The following STYX variants were observed in gnomAD, a reference collection of about 807,000 sequenced individuals.
STYX encodes serine/threonine/tyrosine-interacting protein.
In STYX, 20 loss-of-function variants were observed where a neutral mutation model predicts 42.7. That is an observed-to-expected ratio of 0.47 (90% CI 0.33 to 0.68). STYX has a LOEUF of 0.68. Ranked by LOEUF, STYX falls within the 30% of genes least tolerant of loss-of-function variation. STYX has a pLI of 0.02. For missense variants in STYX, 226 were observed against 268.5 expected (o/e 0.84, Z 1.11); for synonymous variants, 78 against 81.9 (o/e 0.95, Z 0.26).
chr14:52,740,332 CTTAGAAATTACATGCT>C (rs1297136861), intron 1 of STYX, among the ~76,000 whole-genome samples: 1 of 152,164 alleles, frequency 6.6e-6, no homozygotes. Flanking sequence ...TCATTGCTGG[CTTAGAAATTACATGCT>C]TTATTTCTAT....
At chr14:52,749,394 T>G (rs1217564633) in intron 3 of STYX, among the ~76,000 whole-genome samples, 2 of 152,204 alleles carry the variant, frequency 1.3e-5, no homozygotes, top group Non-Finnish European at 2.9e-5. Context: ...GAATTATTAG[T>G]GCTACTGTTT....
At chr14:52,746,222 A>G (rs1881390980) in intron 2 of STYX, among the ~76,000 whole-genome samples, 1 of 152,118 alleles carries the variant, frequency 6.6e-6, no homozygotes, top group Admixed American at 6.6e-5. Flanking sequence ...AGAGCCCAGG[A>G]GTTCCTTATC....
rs533535477 is a variant in STYX, at chr14:52,762,170, A to G, written c.504+2416A>G. Among the ~76,000 whole-genome samples the G allele has an allele frequency of 3.0e-3, 458 of 151,690 alleles. 4 individuals are homozygous for G. The highest frequency in any genetic ancestry group is 0.01 in the African/African-American group (425 of 41,370). On this transcript the variant is annotated intron_variant, in intron 9 of 10. Transcript: ENST00000354586. ...GCTGGAATTACAGGCGTGAGCCACCACTCCTGGCCCAAAAATGTTTTATCA... is the reference window on the plus strand; with the variant it reads ...GCTGGAATTACAGGCGTGAGCCACCGCTCCTGGCCCAAAAATGTTTTATCA...
intron 9 of STYX, among the ~76,000 whole-genome samples, chr14:52,768,062 G>A (rs927092809): frequency 6.6e-6 from 1 of 152,094 alleles, no homozygotes; most frequent in Non-Finnish European, 1.5e-5. Flanking sequence ...TCCTGACTTT[G>A]TCATACCATG....
At chr14:52,761,205 G>A (rs1474696572) in intron 9 of STYX, among the ~76,000 whole-genome samples, 5 of 151,808 alleles carry the variant, frequency 3.3e-5, no homozygotes, top group African/African-American at 1.2e-4. Context: ...ATGCATGCCT[G>A]TAATCCCAGC....
At chr14:52,740,007 G>A (rs1043390464) in intron 1 of STYX, among the ~76,000 whole-genome samples, 3 of 152,198 alleles carry the variant, frequency 2.0e-5, no homozygotes, top group African/African-American at 7.2e-5. Context: ...GGCTGGGCGC[G>A]GTGGCTCATG....
chr14:52,738,725 C>G (rs951888363), intron 1 of STYX, among the ~76,000 whole-genome samples: 8 of 152,152 alleles, frequency 5.3e-5, no homozygotes, highest in African/African-American at 1.7e-4. Flanking sequence ...CTCCTGTTAC[C>G]TACCTAAGGA....
chr14:52,732,101 T>TG (rs1566666231), intron 1 of STYX, among the ~76,000 whole-genome samples: 8 of 149,444 alleles, frequency 5.4e-5, no homozygotes, highest in Admixed American at 4.7e-4. Flanking sequence ...GTTTTTTTTT[T>TG]TTTTTTTTTT....
At chr14:52,733,226 T>G (rs1377357663) in intron 1 of STYX, among the ~76,000 whole-genome samples, 2 of 152,358 alleles carry the variant, frequency 1.3e-5, no homozygotes, top group Non-Finnish European at 2.9e-5. Flanking sequence ...TCCCGGACTT[T>G]GCATTTAATC....
intron 9 of STYX, among the ~76,000 whole-genome samples, chr14:52,764,945 G>A (rs547609954): frequency 2.6e-5 from 4 of 152,054 alleles, no homozygotes; most frequent in Non-Finnish European, 4.4e-5. Context: ...CTGGGATTAC[G>A]GGCGTGAGCC....
At chr14:52,767,630 G>T (rs1339824466) in intron 9 of STYX, among the ~76,000 whole-genome samples, 6 of 152,166 alleles carry the variant, frequency 3.9e-5, no homozygotes, top group Non-Finnish European at 8.8e-5. Flanking sequence ...GGCCAGAGGA[G>T]TGGTTGGGGA....
intron 4 of STYX, among the ~76,000 whole-genome samples, chr14:52,755,124 T>TG (rs918091785): frequency 9.3e-5 from 14 of 150,646 alleles, no homozygotes; most frequent in Admixed American, 7.3e-4. Flanking sequence ...TTTTTTTGTT[T>TG]TTTTTTTTTT....
Position 52,759,667 on chromosome 14 carries a change from T to G in STYX, c.432-15T>G. On this transcript the variant is annotated splice_polypyrimidine_tract_variant and intron_variant, in intron 8 of 10. Transcript: ENST00000354586. ...AAATAATGCTATCACATTAACACTC[T>G]TTTTCTGTTTTCAGAGATGCTTTTG... The G allele has an allele frequency of 6.4e-7, 1 of 1,557,164 alleles. No individual in the cohort carries two copies. The highest frequency in any genetic ancestry group is 8.8e-7 in the Non-Finnish European group (1 of 1,131,136).
In STYX at chr14:52,743,964, G is replaced by T. The variant is rs533186103; in HGVS notation, c.58-888G>T. 1.3e-4 allele frequency among the ~76,000 whole-genome samples: 20 copies of T among 151,944 alleles called. 1 individual carries two copies. The South Asian group carries it at 4.2e-3, about 32-fold the overall frequency. On this transcript the variant is annotated intron_variant, in intron 1 of 10. Coordinates refer to ENST00000354586, the MANE Select transcript of STYX (RefSeq NM_145251.4). ...AGCCTCCTGTGTAGATGGGATTACAGGCAGGCTCCACCATGCCCAACGAAT... is the reference window on the plus strand; with the variant it reads ...AGCCTCCTGTGTAGATGGGATTACATGCAGGCTCCACCATGCCCAACGAAT...
At chr14:52,756,675 CTTTTTTTTTTTT>C (rs748826005) in intron 5 of STYX, 64 bp downstream of exon 5, 7 of 71,904 alleles carry the variant, frequency 9.7e-5, no homozygotes, top group Non-Finnish European at 1.3e-4. Context: ...CTTAGTTGTG[CTTTTTTTTTTTT>C]TTTTTTTTTT....
intron 2 of STYX, among the ~76,000 whole-genome samples, 181 bp from the exon 3 acceptor site, chr14:52,746,245 A>C (rs1346820394): frequency 6.6e-6 from 1 of 152,094 alleles, no homozygotes; most frequent in Non-Finnish European, 1.5e-5. Context: ...CCTGGGCAAC[A>C]TAGTGAGACT....
At chr14:52,764,298 G>A (rs1882214269) in intron 9 of STYX, among the ~76,000 whole-genome samples, 1 of 151,950 alleles carries the variant, frequency 6.6e-6, no homozygotes, top group Non-Finnish European at 1.5e-5. Flanking sequence ...GACAAATTTC[G>A]GTTATTTTAC....
intron 1 of STYX, among the ~76,000 whole-genome samples, chr14:52,740,556 A>G: frequency 6.6e-6 from 1 of 152,364 alleles, no homozygotes; most frequent in East Asian, 1.9e-4. Context: ...AGACAGTGAT[A>G]GTATCCCTTC....
At chr14:52,769,794 T>C (rs1223616154) in intron 10 of STYX, among the ~76,000 whole-genome samples, 3 of 152,106 alleles carry the variant, frequency 2.0e-5, no homozygotes, top group Non-Finnish European at 4.4e-5. Context: ...TTCCAAACTC[T>C]TGTTATTTGG....
Sources: gnomAD v4.1 joint callset for allele counts (sites outside exome capture counted in the v4.1 genomes callset) on GRCh38, gnomAD v4.1.1 for gene constraint, MANE v1.5 for transcripts, NCBI Gene and HGNC (gene_info 2026-07-23, HGNC 2026-07-21) for gene names.